HTR2C: variants seen among roughly 807,000 people sequenced by gnomAD.
HTR2C encodes the protein 5-hydroxytryptamine receptor 2C.
Under a neutral mutation model 21.0 loss-of-function variants are expected in HTR2C, and 5 were observed. The ratio of observed to expected loss-of-function variants is 0.24; its 90% confidence interval spans 0.12 to 0.50. The LOEUF is 0.50. HTR2C is among the 20% of genes least tolerant of loss of function. The probability of loss-of-function intolerance (pLI) is 0.98; values close to 1 mark genes in which losing one functional copy is unlikely to be tolerated. For synonymous variants in HTR2C, 150 were observed against 145.3 expected, an observed-to-expected ratio of 1.03 and a Z score of -0.23; for missense variants, 271 against 371.2, an observed-to-expected ratio of 0.73 and a Z score of 2.22.
chrX:114,623,795 A>G (rs781895788), intron 2 of HTR2C, among the ~76,000 whole-genome samples: 1 of 110,299 alleles, frequency 9.1e-6, no homozygotes, highest in East Asian at 2.8e-4. Flanking sequence ...GAACTTAAAT[A>G]GATATTTTAT....
chrX:114,618,733 T>C (rs1248029590), intron 2 of HTR2C, among the ~76,000 whole-genome samples: 2 of 111,965 alleles, frequency 1.8e-5, no homozygotes, highest in African/African-American at 6.5e-5. Flanking sequence ...TATTACATCA[T>C]GTTTCAATTG....
At chrX:114,746,222 A>G (rs977470230) in intron 4 of HTR2C, among the ~76,000 whole-genome samples, 7 of 111,342 alleles carry the variant, frequency 6.3e-5, no homozygotes, top group African/African-American at 2.3e-4. Context: ...ATTCTATACA[A>G]CCTCTCCCAG....
chrX:114,863,581 T>C lies in HTR2C; in HGVS notation c.550+15378T>C, dbSNP rs190669078. On this transcript the variant is annotated intron_variant, in intron 5 of 5. Coordinates refer to ENST00000276198, the MANE Select transcript of HTR2C (RefSeq NM_000868.4). ...ATGGTCTATCCTGGAGAGTGCTCCA[T>C]GTGTACTGGAGAGGAATGTGTATTC... Among the ~76,000 whole-genome samples, 54 of 111,779 alleles carry C rather than the reference T, an allele frequency of 4.8e-4. 1 individual carries two copies. The highest frequency in any genetic ancestry group is 1.6e-3 in the African/African-American group (51 of 30,951).
intron 2 of HTR2C, among the ~76,000 whole-genome samples, chrX:114,622,669 G>A (rs782793913): frequency 8.9e-6 from 1 of 111,827 alleles, no homozygotes; most frequent in Non-Finnish European, 1.9e-5. Flanking sequence ...AGGAAAGAGA[G>A]GCTTGGAAGC....
chrX:114,703,518 C>T (rs1932635354), intron 2 of HTR2C, among the ~76,000 whole-genome samples: 1 of 111,307 alleles, frequency 9.0e-6, no homozygotes. Context: ...CCAATGAGAG[C>T]AAAGACACAA....
At chrX:114,727,061 A>G in intron 3 of HTR2C, 90 bp downstream of exon 3, 1 of 513,221 alleles carries the variant, frequency 1.9e-6, no homozygotes, top group Non-Finnish European at 3.0e-6. Context: ...CTATATGATC[A>G]GCTATATTTG....
chrX:114,710,695 G>A (rs1556419095), intron 2 of HTR2C, among the ~76,000 whole-genome samples: 1 of 111,661 alleles, frequency 9.0e-6, no homozygotes, highest in Non-Finnish European at 1.9e-5. Flanking sequence ...CCACAGGAAT[G>A]ACTCAACTGA....
intron 4 of HTR2C, among the ~76,000 whole-genome samples, chrX:114,754,328 G>A (rs1429914129): frequency 9.0e-6 from 1 of 111,678 alleles, no homozygotes; most frequent in Non-Finnish European, 1.9e-5. Context: ...ACACAGGTAG[G>A]TCCTTGAAGA....
intron 2 of HTR2C, among the ~76,000 whole-genome samples, chrX:114,664,094 T>C (rs1931089000): frequency 9.0e-6 from 1 of 111,728 alleles, no homozygotes; most frequent in Non-Finnish European, 1.9e-5. Context: ...GGTGTCTCTT[T>C]TTCCATCTGA....
intron 4 of HTR2C, among the ~76,000 whole-genome samples, chrX:114,837,211 G>A (rs950628208): frequency 8.1e-5 from 9 of 111,629 alleles, no homozygotes; most frequent in African/African-American, 2.6e-4. Flanking sequence ...GCCTCATGAA[G>A]TATGTTGGGA....
intron 4 of HTR2C, among the ~76,000 whole-genome samples, chrX:114,787,863 C>T (rs928597489): frequency 3.8e-5 from 4 of 106,029 alleles, no homozygotes; most frequent in Admixed American, 1.0e-4. Context: ...AAGAGAATGG[C>T]GTGAACCCGG....
Position 114,617,418 on chromosome X carries a change from T to G in HTR2C, c.-80+3537T>G, listed in dbSNP as rs78347104. Among the ~76,000 whole-genome samples, 1,042 of 111,519 alleles carry G rather than the reference T, an allele frequency of 9.3e-3. 16 individuals are homozygous for G. The highest frequency in any genetic ancestry group is 0.031 in the African/African-American group (965 of 30,680). On this transcript the variant is annotated intron_variant, in intron 2 of 5. Coordinates refer to ENST00000276198, the MANE Select transcript of HTR2C (RefSeq NM_000868.4). Reference sequence around the variant, plus strand: ...TCACACCACTACATTCCACCTTGGGTGACAAAGCAAGATCCTGTCTCAAAA... The same window carrying G: ...TCACACCACTACATTCCACCTTGGGGGACAAAGCAAGATCCTGTCTCAAAA...
At chrX:114,834,536 T>A (rs2070761813) in intron 4 of HTR2C, among the ~76,000 whole-genome samples, 1 of 110,806 alleles carries the variant, frequency 9.0e-6, no homozygotes, top group African/African-American at 3.3e-5. Context: ...CTGCTTTTCT[T>A]TTTTTGTTTT....
intron 4 of HTR2C, among the ~76,000 whole-genome samples, chrX:114,791,295 A>G (rs192158705): frequency 4.9e-4 from 55 of 112,869 alleles, no homozygotes; most frequent in Non-Finnish European, 8.4e-4. Context: ...AGATACAAAC[A>G]TATAAATGAG....
At chrX:114,659,528 T>A (rs1930909351) in intron 2 of HTR2C, among the ~76,000 whole-genome samples, 2 of 110,960 alleles carry the variant, frequency 1.8e-5, no homozygotes, top group South Asian at 3.8e-4. Context: ...TACAAAATAA[T>A]TGGCCAGTAC....
intron 2 of HTR2C, among the ~76,000 whole-genome samples, chrX:114,682,727 C>A (rs955514314): frequency 9.0e-6 from 1 of 110,637 alleles, no homozygotes; most frequent in Non-Finnish European, 1.9e-5. Context: ...GCTCACCCTC[C>A]GCCTTTCCTT....
chrX:114,745,818 G>C (rs989305506), intron 4 of HTR2C, among the ~76,000 whole-genome samples: 10 of 111,561 alleles, frequency 9.0e-5, no homozygotes, highest in Admixed American at 7.6e-4. Context: ...AGGGTAGTGG[G>C]GGGGGATGGG....
chrX:114,734,732 A>G (rs2069574130), intron 4 of HTR2C, among the ~76,000 whole-genome samples: 1 of 110,459 alleles, frequency 9.1e-6, no homozygotes, highest in Non-Finnish European at 1.9e-5. Flanking sequence ...TCAAAAAGCC[A>G]TTTATTTTGT....
intron 4 of HTR2C, among the ~76,000 whole-genome samples, 186 bp downstream of exon 4, chrX:114,731,793 CA>C (rs1253196928): frequency 2.7e-5 from 3 of 111,534 alleles, no homozygotes; most frequent in Non-Finnish European, 5.6e-5. Context: ...CTTCCAAAAG[CA>C]AAACATACAT....
Sources: gnomAD v4.1 joint callset for allele counts (sites outside exome capture counted in the v4.1 genomes callset) on GRCh38, gnomAD v4.1.1 for gene constraint, MANE v1.5 for transcripts, NCBI Gene and HGNC (gene_info 2026-07-23, HGNC 2026-07-21) for gene names.